Variants in GABRP observed in about 807,000 individuals in gnomAD.
GABRP encodes gamma-aminobutyric acid receptor subunit pi.
GABRP carries 52 observed loss-of-function variants against 47.8 expected under a neutral mutation model. The ratio of observed to expected loss-of-function variants is 1.09; its 90% CI spans 0.87 to 1.37. The LOEUF is 1.37. Ranked by LOEUF, GABRP falls within the 40% of genes most tolerant of loss-of-function variation. GABRP has a pLI of 0.00. For synonymous variants in GABRP, 221 were observed against 205.8 expected (o/e 1.07, Z -0.63); for missense variants, 525 against 542.8 (o/e 0.97, Z 0.33).
At chr5:170,808,506 A>G in intron 7 of GABRP, 94 bp from the exon 8 acceptor site, 2 of 1,033,744 alleles carry the variant, frequency 1.9e-6, no homozygotes, top group Non-Finnish European at 2.9e-6. Flanking sequence ...GATCAATGAC[A>G]GAGGGCTTAA....
intron 8 of GABRP, 52 bp downstream of exon 8, chr5:170,808,804 C>A: frequency 6.6e-7 from 1 of 1,524,356 alleles, no homozygotes; most frequent in Admixed American, 1.8e-5. Context: ...AGGTTACTTA[C>A]TTTTTTTCCT....
At chr5:170,795,875 AGT>A in intron 5 of GABRP, among the ~76,000 whole-genome samples, 1 of 152,352 alleles carries the variant, frequency 6.6e-6, no homozygotes. Flanking sequence ...CTTGGGGCCC[AGT>A]GGAACTGCAG....
chr5:170,788,614 A>G lies in GABRP; in HGVS notation c.-2A>G, dbSNP rs745737514. On this transcript the variant is annotated 5_prime_UTR_variant, in exon 2 of 10. Coordinates refer to ENST00000265294, the MANE Select transcript of GABRP (RefSeq NM_014211.3). Reference sequence around the variant, plus strand: ...GCCCCTTGGTGTGAGCAGCTTCTCAACATGAACTACAGCCTCCACTTGGCC... The same window carrying G: ...GCCCCTTGGTGTGAGCAGCTTCTCAGCATGAACTACAGCCTCCACTTGGCC... The G allele has an allele frequency of 9.9e-6, 16 of 1,613,994 alleles. No homozygotes were observed. In the African/African-American group the frequency reaches 1.9e-4, roughly 19 times the overall value.
chr5:170,795,789 A>G (rs1386240599), intron 5 of GABRP, among the ~76,000 whole-genome samples: 2 of 152,166 alleles, frequency 1.3e-5, no homozygotes, highest in Non-Finnish European at 2.9e-5. Flanking sequence ...CTTAAAGGGT[A>G]AAAGGAAGTT....
At chr5:170,786,177 G>T (rs3929011) in intron 1 of GABRP, among the ~76,000 whole-genome samples, 65,847 of 151,924 alleles carry the variant, frequency 0.43, 15,021 homozygotes, top group African/African-American at 0.55. Context: ...ATTGAATGAG[G>T]CAATGGAGGG....
intron 5 of GABRP, among the ~76,000 whole-genome samples, chr5:170,796,744 G>A (rs879561867): frequency 6.6e-6 from 1 of 152,192 alleles, no homozygotes; most frequent in Non-Finnish European, 1.5e-5. Context: ...GAGTGTGAGT[G>A]AGCATCCTGG....
At chr5:170,797,383 T>G in intron 5 of GABRP, 83 bp from the exon 6 acceptor site, 2 of 845,444 alleles carry the variant, frequency 2.4e-6, no homozygotes, top group South Asian at 2.8e-5. Flanking sequence ...AGTGAAAGTC[T>G]TCTTTGAGTG....
At chr5:170,794,392 AAAAAG>A (rs1188690033) in intron 4 of GABRP, 94 bp downstream of exon 4, 1 of 769,602 alleles carries the variant, frequency 1.3e-6, no homozygotes, top group Non-Finnish European at 2.1e-6. Context: ...AAAAAAAAAA[AAAAAG>A]AATGGCTCAT....
At chr5:170,784,345 A>G (rs1331252153) in intron 1 of GABRP, among the ~76,000 whole-genome samples, 6 of 152,002 alleles carry the variant, frequency 3.9e-5, no homozygotes, top group Admixed American at 3.9e-4. Flanking sequence ...CTGGGAATAG[A>G]GTAGAAACGG....
chr5:170,808,503 G>T, intron 7 of GABRP, 97 bp from the exon 8 acceptor site: 1 of 1,014,028 alleles, frequency 9.9e-7, no homozygotes, highest in South Asian at 1.6e-5. Flanking sequence ...TTAGATCAAT[G>T]ACAGAGGGCT....
At position 170,812,282 on chromosome 5, in the gene GABRP, C is replaced by T. The variant is rs1198049102; in HGVS notation, c.*24C>T. 1 of 1,578,142 alleles carries T rather than the reference C, an allele frequency of 6.3e-7. No individual in the cohort carries two copies. The highest frequency in any genetic ancestry group is 8.7e-7 in the Non-Finnish European group (1 of 1,152,296). On this transcript the variant is annotated 3_prime_UTR_variant, in exon 10 of 10. Transcript: ENST00000265294. ...GAGTCAATGTTAAATTTCTTGCATGCCATAGGTCTTCAACAGGACAAGATA... is the reference window on the plus strand; with the variant it reads ...GAGTCAATGTTAAATTTCTTGCATGTCATAGGTCTTCAACAGGACAAGATA...
chr5:170,805,026 T>A (rs1306051767), intron 6 of GABRP, among the ~76,000 whole-genome samples: 5 of 147,404 alleles, frequency 3.4e-5, no homozygotes, highest in African/African-American at 4.9e-5. Flanking sequence ...ATTATAATAT[T>A]TATATATTAT....
At position 170,813,777 on chromosome 5, in the gene GABRP, T is replaced by C. The variant is rs1001553772; in HGVS notation, c.*1519T>C. 2 of 152,206 alleles carry C rather than the reference T, an allele frequency of 1.3e-5. No individual in the cohort carries two copies. Among genetic ancestry groups the C allele is most frequent in the Non-Finnish European group, 2.9e-5 (2 of 68,028 alleles). The allele number at this position is 152,206 out of a possible 1,614,324, so 9.4% of individuals were successfully genotyped here. A position where few individuals can be genotyped will look rare whatever the true frequency, so the allele number is the denominator to read the frequency against. On this transcript the variant is annotated 3_prime_UTR_variant, in exon 10 of 10. Transcript: ENST00000265294. The stretch of plus-strand genomic sequence containing the variant: ...AACTCCCTAGAGCCACAGGTTCTCA[T>C]TCCTTTTCCCATTATACTTCTCACA...
At position 170,791,818 on chromosome 5, in the gene GABRP, A is replaced by G. The variant is rs541633679; in HGVS notation, c.173-2413A>G. ...TCAGTCTGTTTTGTGCTTCTATAAC[A>G]AAATACCTGAGGCTGAGTATTTATA... On this transcript the variant is annotated intron_variant, in intron 3 of 9. Coordinates refer to ENST00000265294, the MANE Select transcript of GABRP (RefSeq NM_014211.3). 3.9e-5 allele frequency among the ~76,000 whole-genome samples: 6 copies of G among 152,350 alleles called. No individual in the cohort carries two copies. The East Asian group carries it at 9.6e-4, about 24-fold the overall frequency.
rs1270483030 is a variant in GABRP at position 170,797,521 on chromosome 5, C to G, written c.514C>G (p.Gln172Glu). The change falls in exon 6 of 10, where the codon CAG becomes GAG. Residue 172 changes from glutamine to glutamate, a missense_variant. By Grantham distance (29) the Gln-to-Glu change is conservative. Transcript: ENST00000265294. Reference protein sequence around the residue: ...MDLSKYPMDTQTCKLQLESWG... With the variant: ...MDLSKYPMDTETCKLQLESWG... ...TCTGTCTAAATACCCCATGGACACA[C>G]AGACATGCAAGTTGCAGCTGGAAAG... 1 of 1,612,024 alleles carries G rather than the reference C, an allele frequency of 6.2e-7. No homozygotes were observed. The highest frequency in any genetic ancestry group is 1.3e-5 in the African/African-American group (1 of 74,854).
intron 5 of GABRP, among the ~76,000 whole-genome samples, chr5:170,796,102 G>A (rs368890971): frequency 6.6e-5 from 10 of 152,228 alleles, no homozygotes; most frequent in East Asian, 5.8e-4. Context: ...CAAACCTAAA[G>A]CTCCCAGAGG....
Position 170,812,312 on chromosome 5 carries a change from T to C in GABRP, c.*54T>C, listed in dbSNP as rs373316253. 378 of 1,435,458 alleles carry C rather than the reference T, an allele frequency of 2.6e-4. 2 individuals carry two copies. The African/African-American group carries it at 3.1e-3, about 12-fold the overall frequency. The allele number at this position is 1,435,458 out of a possible 1,614,324, so 88.9% of individuals were successfully genotyped here. A position where few individuals can be genotyped will look rare whatever the true frequency, so the allele number is the denominator to read the frequency against. On this transcript the variant is annotated 3_prime_UTR_variant, in exon 10 of 10. Coordinates refer to ENST00000265294, the MANE Select transcript of GABRP (RefSeq NM_014211.3). ...GGTCTTCAACAGGACAAGATAATGA[T>C]GTAAATGGTATTTTAGGCCAAGTGT...
chr5:170,809,879 CT>C, intron 9 of GABRP, 124 bp downstream of exon 9: 1 of 915,256 alleles, frequency 1.1e-6, no homozygotes, highest in Non-Finnish European at 1.7e-6. Context: ...TCCAGTGAGT[CT>C]TATCCTTGTT....
At chr5:170,796,449 G>T (rs1217915017) in intron 5 of GABRP, among the ~76,000 whole-genome samples, 2 of 152,126 alleles carry the variant, frequency 1.3e-5, no homozygotes, top group Non-Finnish European at 2.9e-5. Flanking sequence ...AATCAATATT[G>T]TGTAAGGATT....
Sources: allele counts gnomAD v4.1 joint callset (sites outside exome capture counted in the v4.1 genomes callset), GRCh38; gene constraint gnomAD v4.1.1; transcripts MANE v1.5; gene names NCBI Gene and HGNC (gene_info 2026-07-23, HGNC 2026-07-21).